USP6: variants seen among roughly 807,000 people sequenced by gnomAD.
USP6 encodes ubiquitin specific peptidase 6.
In USP6, 128 loss-of-function variants were observed where a neutral mutation model predicts 175.7. That is an observed-to-expected ratio of 0.73 (90% confidence interval 0.63 to 0.84). The LOEUF is 0.84. Among genes scored for constraint, USP6 ranks in the 40% least tolerant of loss-of-function variants. The pLI is 0.00. For missense variants in USP6, 1,498 were observed against 1,760.3 expected (o/e 0.85, Z 2.67); for synonymous variants, 562 against 630.6 (o/e 0.89, Z 1.63).
intron 33 of USP6, among the ~76,000 whole-genome samples, chr17:5,166,829 A>G (rs1407739675): frequency 1.3e-5 from 2 of 150,774 alleles, no homozygotes; most frequent in Non-Finnish European, 3.0e-5. Context: ...TCTTCATTCT[A>G]CACCACCCCC....
chr17:5,157,921 C>T (rs371019885), intron 31 of USP6, among the ~76,000 whole-genome samples: 13 of 149,270 alleles, frequency 8.7e-5, no homozygotes, highest in African/African-American at 2.3e-4. Context: ...CCACTGCACC[C>T]GGCCCAGGCT....
chr17:5,130,422 C>A lies in USP6; in HGVS notation c.55C>A (p.Leu19Ile), dbSNP rs201624091. ...GCAGGCACAGGAGCGGAAGGACATA[C>A]TTATGAAGTATGACAAGGTACAGTT... The part of the protein sequence containing the change: ...SLQAQERKDI[L>I]MKYDKGHRAG... The change falls in exon 10 of 38, where the codon CTT becomes ATT. Residue 19 changes from leucine to isoleucine, a missense_variant. Leu to Ile is a conservative substitution (Grantham distance 5). This residue lies in a region of USP6 where 281 missense variants were observed against 259.6 expected (regional missense o/e 1.08). Transcript: ENST00000574788. The A allele has an allele frequency of 6.2e-7, 1 of 1,614,134 alleles. No individual in the cohort carries two copies. The highest frequency in any genetic ancestry group is 8.5e-7 in the Non-Finnish European group (1 of 1,180,026).
rs963758566 is a variant in USP6 at position 5,168,645 on chromosome 17, T to C, written c.3229-122T>C. On this transcript the variant is annotated intron_variant, in intron 34 of 37. Transcript: ENST00000574788. ...TATTTTTGAAGTCTTTAAAAAATAA[T>C]GAAGAGTAAATGTTCTGTTATATAT... The C allele has an allele frequency of 3.7e-6, 5 of 1,367,286 alleles. No individual in the cohort carries two copies. In the Admixed American group the frequency reaches 9.6e-5, roughly 26 times the overall value. 84.7% of individuals were successfully genotyped at this position (1,367,286 alleles called of 1,614,324 possible).
chr17:5,164,127 C>T (rs1302165586), intron 33 of USP6, among the ~76,000 whole-genome samples: 1 of 152,136 alleles, frequency 6.6e-6, no homozygotes, highest in Non-Finnish European at 1.5e-5. Context: ...ATTTTTATGG[C>T]TCTTGATAGT....
At chr17:5,159,594 A>G (rs1390583244) in intron 31 of USP6, among the ~76,000 whole-genome samples, 2 of 152,186 alleles carry the variant, frequency 1.3e-5, no homozygotes, top group Non-Finnish European at 2.9e-5. Context: ...GGAAGGAAGA[A>G]GAGATCATGT....
chr17:5,150,424 C>T lies in USP6; in HGVS notation c.2643+1657C>T, dbSNP rs2073737063. Among the ~76,000 whole-genome samples, 5 of 151,416 alleles carry T rather than the reference C, an allele frequency of 3.3e-5. No homozygotes were observed. In the South Asian group the frequency reaches 1.0e-3, roughly 32 times the overall value. ...AGAAAATGAAGTTGTAAAAAAGGTACTACTGTATTGGTTTCTTAGGACTGT... is the reference window on the plus strand; with the variant it reads ...AGAAAATGAAGTTGTAAAAAAGGTATTACTGTATTGGTTTCTTAGGACTGT... On this transcript the variant is annotated intron_variant, in intron 30 of 37. Transcript: ENST00000574788.
At chr17:5,169,772 A>G (rs974867726) in intron 35 of USP6, among the ~76,000 whole-genome samples, 1 of 152,232 alleles carries the variant, frequency 6.6e-6, no homozygotes, top group Non-Finnish European at 1.5e-5. Context: ...TACTGAGAAA[A>G]TATGTGCTTT....
intron 22 of USP6, among the ~76,000 whole-genome samples, chr17:5,139,929 G>T (rs1252207002): frequency 6.6e-6 from 1 of 152,010 alleles, no homozygotes; most frequent in African/African-American, 2.4e-5. Flanking sequence ...AGCAGGCTTC[G>T]CATCCTTGTT....
rs546184937 is a variant in USP6, at chr17:5,151,910, G to A, written c.2643+3143G>A. ...ATGGTGAATTCATTCCTGACATTAC[G>A]CATATAAAGAAAAGATTAAATTGCA... On this transcript the variant is annotated intron_variant, in intron 30 of 37. Transcript: ENST00000574788. Among the ~76,000 whole-genome samples, 5 of 152,160 alleles carry A rather than the reference G, an allele frequency of 3.3e-5. No homozygotes were observed. In the East Asian group the frequency reaches 5.8e-4, roughly 18 times the overall value.
chr17:5,155,412 G>A lies in USP6; in HGVS notation c.2644-10G>A. On this transcript the variant is annotated splice_polypyrimidine_tract_variant and intron_variant, in intron 30 of 37. Transcript: ENST00000574788. ...TCTTCTCAACTCTCTATTCTCGTTT[G>A]TACATACAGATGAGGACAGAACTGT... The A allele has an allele frequency of 6.2e-7, 1 of 1,612,730 alleles. No individual in the cohort carries two copies. The highest frequency in any genetic ancestry group is 8.5e-7 in the Non-Finnish European group (1 of 1,179,252).
intron 31 of USP6, among the ~76,000 whole-genome samples, chr17:5,158,606 G>GA (rs2073937179): frequency 6.2e-4 from 34 of 54,570 alleles, no homozygotes; most frequent in African/African-American, 2.4e-3. Context: ...AGAGAGAGAG[G>GA]GAGAGGGGGA....
intron 37 of USP6, among the ~76,000 whole-genome samples, chr17:5,172,303 G>C (rs1217532380): frequency 6.6e-6 from 1 of 152,126 alleles, no homozygotes; most frequent in African/African-American, 2.4e-5. Context: ...AGGCCAAGGT[G>C]GGCGGATCAT....
rs1184984615 is a variant in USP6 at position 5,171,564 on chromosome 17, C to T, written c.3955-23C>T. 6.2e-6 allele frequency: 10 copies of T among 1,611,534 alleles called. No individual in the cohort carries two copies. The African/African-American group carries it at 6.7e-5, about 11-fold the overall frequency. On this transcript the variant is annotated intron_variant, in intron 36 of 37. Coordinates refer to ENST00000574788, the MANE Select transcript of USP6 (RefSeq NM_001304284.2). Reference sequence around the variant, plus strand: ...ATAGTACAGTTAACTACTAACATACCTCCACTCTCTTATCTCTTACAGTGC... The same window carrying T: ...ATAGTACAGTTAACTACTAACATACTTCCACTCTCTTATCTCTTACAGTGC...
At chr17:5,170,046 CAG>C (rs1457439602) in intron 35 of USP6, among the ~76,000 whole-genome samples, 2 of 152,146 alleles carry the variant, frequency 1.3e-5, no homozygotes, top group Admixed American at 6.5e-5. Context: ...TTGTGAGACA[CAG>C]AGGTAACAAC....
At chr17:5,135,461 G>A (rs565763286) in intron 16 of USP6, among the ~76,000 whole-genome samples, 179 bp downstream of exon 16, 104 of 152,250 alleles carry the variant, frequency 6.8e-4, no homozygotes, top group African/African-American at 2.4e-3. Context: ...GTCTCAAGGG[G>A]TCAAGCTGAG....
intron 30 of USP6, among the ~76,000 whole-genome samples, chr17:5,152,420 C>T (rs972855746): frequency 6.6e-6 from 1 of 152,138 alleles, no homozygotes; most frequent in African/African-American, 2.4e-5. Flanking sequence ...AATACAACTA[C>T]TTTGGAATAC....
At chr17:5,142,234 A>T (rs2073469427) in intron 24 of USP6, 93 bp downstream of exon 24, 1 of 1,546,276 alleles carries the variant, frequency 6.5e-7, no homozygotes. Flanking sequence ...CTGCGGGAGA[A>T]AGATTTTATC....
rs530442127 is a variant in USP6, at chr17:5,168,562, C to T, written c.3229-205C>T. On this transcript the variant is annotated intron_variant, in intron 34 of 37. Coordinates refer to ENST00000574788, the MANE Select transcript of USP6 (RefSeq NM_001304284.2). ...GCTGTGGCCACACTGCTGAGTTGAG[C>T]GCGTGTGCACAAGGACGCCAGTGCA... 5.9e-5 allele frequency among the ~76,000 whole-genome samples: 9 copies of T among 152,326 alleles called. No individual in the cohort carries two copies. The South Asian group carries it at 1.0e-3, about 18-fold the overall frequency.
intron 21 of USP6, 67 bp downstream of exon 21, chr17:5,138,340 C>T (rs945375658): frequency 1.7e-5 from 27 of 1,604,678 alleles, no homozygotes; most frequent in African/African-American, 2.7e-5. Flanking sequence ...GCGGGTGCCC[C>T]GGACCAGCAA....
Sources: allele counts gnomAD v4.1 joint callset (sites outside exome capture counted in the v4.1 genomes callset), GRCh38; gene constraint gnomAD v4.1.1; regional missense constraint gnomAD v4.1.1; transcripts MANE v1.5; gene names NCBI Gene and HGNC (gene_info 2026-07-23, HGNC 2026-07-21).